Variants in DOK6 observed in about 807,000 individuals in gnomAD.
DOK6 encodes docking protein 6.
In DOK6, 22 loss-of-function variants were observed where a neutral mutation model predicts 44.0. The ratio of observed to expected loss-of-function variants is 0.50; its 90% CI spans 0.36 to 0.71. The LOEUF (loss-of-function observed/expected upper bound fraction) is 0.71. Among genes scored for constraint, DOK6 ranks in the 30% least tolerant of loss-of-function variants. The pLI is 0.00. For synonymous variants in DOK6, 166 were observed against 145.5 expected (o/e 1.14, Z -1.01); for missense variants, 340 against 416.4 (o/e 0.82, Z 1.60).
At chr18:69,819,422 G>A (rs948349239) in intron 7 of DOK6, among the ~76,000 whole-genome samples, 1 of 152,036 alleles carries the variant, frequency 6.6e-6, no homozygotes, top group African/African-American at 2.4e-5. Context: ...TCTCTCCTGG[G>A]GGAACTCATG....
chr18:69,481,195 C>A (rs892169828), intron 1 of DOK6, among the ~76,000 whole-genome samples: 3 of 151,906 alleles, frequency 2.0e-5, no homozygotes, highest in Admixed American at 1.3e-4. Context: ...GCTGAGATAC[C>A]AAGTCACATG....
At chr18:69,688,652 A>G (rs906872314) in intron 4 of DOK6, among the ~76,000 whole-genome samples, 6 of 152,174 alleles carry the variant, frequency 3.9e-5, no homozygotes, top group African/African-American at 1.4e-4. Context: ...TCTCCCGAGC[A>G]GCTGGGATTG....
chr18:69,785,539 G>A (rs191609192), intron 7 of DOK6, among the ~76,000 whole-genome samples: 4 of 152,220 alleles, frequency 2.6e-5, no homozygotes, highest in Non-Finnish European at 5.9e-5. Flanking sequence ...TTAAATCAAG[G>A]CAGGTTTTTT....
intron 3 of DOK6, among the ~76,000 whole-genome samples, chr18:69,602,109 T>A (rs1245992633): frequency 1.3e-5 from 2 of 152,212 alleles, no homozygotes; most frequent in African/African-American, 4.8e-5. Flanking sequence ...CATGACTCCC[T>A]GTGCCTTAAG....
chr18:69,644,847 A>G (rs1985031431), intron 3 of DOK6, among the ~76,000 whole-genome samples: 1 of 152,238 alleles, frequency 6.6e-6, no homozygotes, highest in African/African-American at 2.4e-5. Flanking sequence ...TGGACTTGTT[A>G]TCTTCTAAGT....
intron 1 of DOK6, among the ~76,000 whole-genome samples, chr18:69,430,295 AG>A (rs1978767659): frequency 6.6e-6 from 1 of 152,238 alleles, no homozygotes. Context: ...AAGGGACTGT[AG>A]TTAATGACAA....
intron 1 of DOK6, among the ~76,000 whole-genome samples, chr18:69,402,511 C>G (rs1916122664): frequency 6.6e-6 from 1 of 152,316 alleles, no homozygotes; most frequent in Admixed American, 6.5e-5. Flanking sequence ...TCACCAAGCA[C>G]CAGGAGTCGC....
chr18:69,504,945 C>T (rs529437985), intron 1 of DOK6, among the ~76,000 whole-genome samples: 1 of 152,262 alleles, frequency 6.6e-6, no homozygotes, highest in Admixed American at 6.5e-5. Flanking sequence ...ACTGGAAGCT[C>T]TCCGTTCTTC....
chr18:69,764,379 T>C (rs1354722365), intron 7 of DOK6, among the ~76,000 whole-genome samples: 1 of 149,650 alleles, frequency 6.7e-6, no homozygotes, highest in African/African-American at 2.4e-5. Context: ...TCATCTTGAA[T>C]TGTAATCTGA....
At chr18:69,430,902 G>C (rs889720131) in intron 1 of DOK6, among the ~76,000 whole-genome samples, 2 of 152,150 alleles carry the variant, frequency 1.3e-5, no homozygotes, top group Non-Finnish European at 2.9e-5. Flanking sequence ...GGAGACGGAG[G>C]TTGCAGTGAG....
chr18:69,685,984 G>C (rs1986144754), intron 4 of DOK6, among the ~76,000 whole-genome samples: 1 of 152,096 alleles, frequency 6.6e-6, no homozygotes, highest in African/African-American at 2.4e-5. Context: ...CTAACCCCTG[G>C]TACCTCAGAA....
At chr18:69,406,394 A>C (rs1398239461) in intron 1 of DOK6, among the ~76,000 whole-genome samples, 1 of 152,234 alleles carries the variant, frequency 6.6e-6, no homozygotes, top group African/African-American at 2.4e-5. Flanking sequence ...AAGACAATGA[A>C]AATTAAGGTA....
rs561201880 is a variant in DOK6, at chr18:69,446,971, G to A, written c.66+45661G>A. 7.9e-5 allele frequency among the ~76,000 whole-genome samples: 12 copies of A among 152,228 alleles called. No homozygotes were observed. In the South Asian group the frequency reaches 1.2e-3, roughly 16 times the overall value. The stretch of plus-strand genomic sequence containing the variant: ...TCTGGATATTAGCCCTTTGTCAGAC[G>A]GGTAGATTGCAAAAATTTTCTATTC... On this transcript the variant is annotated intron_variant, in intron 1 of 7. Transcript: ENST00000382713.
intron 5 of DOK6, among the ~76,000 whole-genome samples, chr18:69,737,371 G>A (rs66956675): frequency 0.11 from 16,420 of 152,096 alleles, 922 homozygotes; most frequent in Middle Eastern, 0.16. Flanking sequence ...ATCAGATCTC[G>A]CGAGAACTCG....
intron 1 of DOK6, among the ~76,000 whole-genome samples, chr18:69,496,693 G>A (rs151185693): frequency 2.6e-3 from 394 of 152,208 alleles, no homozygotes; most frequent in African/African-American, 8.8e-3. Context: ...AATGGGTAGG[G>A]TGATTTTTTT....
chr18:69,574,336 A>G (rs1486486067), intron 2 of DOK6, among the ~76,000 whole-genome samples: 1 of 152,014 alleles, frequency 6.6e-6, no homozygotes, highest in Non-Finnish European at 1.5e-5. Context: ...AGTTATTATC[A>G]TTATTGTTTT....
intron 6 of DOK6, among the ~76,000 whole-genome samples, chr18:69,743,820 TA>T (rs35936116): frequency 5.8e-4 from 55 of 94,274 alleles, no homozygotes; most frequent in African/African-American, 1.5e-3. Context: ...TTCAGTGTAT[TA>T]AAAAAAAAAA....
intron 5 of DOK6, 32 bp downstream of exon 5, chr18:69,698,625 G>C: frequency 6.2e-7 from 1 of 1,601,268 alleles, no homozygotes; most frequent in Non-Finnish European, 8.5e-7. Flanking sequence ...AAGTGCAGGA[G>C]TTGTCTGTAT....
chr18:69,705,208 G>A (rs1212940208), intron 5 of DOK6: 1 of 152,206 alleles, frequency 6.6e-6, no homozygotes, highest in Non-Finnish European at 1.5e-5. Context: ...CTGAGAAGTT[G>A]TAGTAGAGAT....
Sources: allele counts gnomAD v4.1 joint callset (sites outside exome capture counted in the v4.1 genomes callset), GRCh38; gene constraint gnomAD v4.1.1; transcripts MANE v1.5; gene names NCBI Gene and HGNC (gene_info 2026-07-23, HGNC 2026-07-21).